The following LRP1 variants were observed in gnomAD, a reference collection of about 807,000 sequenced individuals.
LRP1 encodes prolow-density lipoprotein receptor-related protein 1.
In LRP1, 51 loss-of-function variants were observed where a neutral mutation model predicts 541.5. That is an observed-to-expected ratio of 0.09 (90% CI 0.08 to 0.12). LRP1 has a LOEUF of 0.12. Ranked by LOEUF, LRP1 falls within the 10% of genes least tolerant of loss-of-function variation. The pLI is 1.00. For missense variants in LRP1, 3,878 were observed against 6,376.2 expected (o/e 0.61, Z 13.34); for synonymous variants, 2,219 against 2,470.8 (o/e 0.90, Z 3.02).
rs143144259 is a variant in LRP1, at chr12:57,195,324, G to A, written c.8362G>A (p.Val2788Ile). The A allele has an allele frequency of 1.3e-4, 211 of 1,613,214 alleles. No individual in the cohort carries two copies. Among genetic ancestry groups the A allele is most frequent in the Admixed American group, 2.2e-4 (13 of 60,006 alleles). The change falls in exon 52 of 89, where the codon GTC becomes ATC. Residue 2788 changes from valine to isoleucine, a missense_variant. This residue lies in a region of LRP1 where 1,100 missense variants were observed against 1,827.4 expected (regional missense o/e 0.60). Transcript: ENST00000243077. ...CTCCTGCCCTGGCACCCACGTGTGC[G>A]TCCCCGAGCGCTGGCTCTGTGACGG... The part of the protein sequence containing the change: ...SFSCPGTHVC[V>I]PERWLCDGDK...
At chr12:57,187,523 G>C in intron 42 of LRP1, 67 bp downstream of exon 42, 1 of 1,512,206 alleles carries the variant, frequency 6.6e-7, no homozygotes, top group Non-Finnish European at 9.0e-7. Flanking sequence ...AAACTCCCCA[G>C]GCAGATCCAA....
intron 50 of LRP1, 81 bp downstream of exon 50, chr12:57,194,780 T>G: frequency 6.7e-7 from 1 of 1,487,208 alleles, no homozygotes; most frequent in Non-Finnish European, 9.0e-7. Flanking sequence ...AATGCCCCCT[T>G]GGAAAAGGGC....
chr12:57,163,494 A>G (rs747454839), intron 15 of LRP1, among the ~76,000 whole-genome samples: 19 of 151,418 alleles, frequency 1.3e-4, no homozygotes, highest in Non-Finnish European at 2.4e-4. Context: ...CAGGAGAATC[A>G]CTTGAAGCCC....
At chr12:57,199,120 A>T in intron 60 of LRP1, 92 bp from the exon 61 acceptor site, 3 of 1,167,702 alleles carry the variant, frequency 2.6e-6, no homozygotes. Context: ...CCCACCTCTC[A>T]GGGTGGTGGT....
intron 2 of LRP1, among the ~76,000 whole-genome samples, chr12:57,139,527 G>A (rs528368092): frequency 2.0e-5 from 3 of 152,242 alleles, no homozygotes; most frequent in Admixed American, 1.3e-4. Context: ...ATGCTTGGGC[G>A]TTAGAAGTAA....
In LRP1 at chr12:57,138,598, G is replaced by A. The variant is rs775638591; in HGVS notation, c.190+17G>A. On this transcript the variant is annotated intron_variant, in intron 2 of 88. Transcript: ENST00000243077. Reference sequence around the variant, plus strand: ...CTGAGATTTGTAAGTACCTTTTCTGGATTCTTCTCCCCAAACCCTTAACTT... The same window carrying A: ...CTGAGATTTGTAAGTACCTTTTCTGAATTCTTCTCCCCAAACCCTTAACTT... 1 of 1,613,406 alleles carries A rather than the reference G, an allele frequency of 6.2e-7. No homozygotes were observed. Among genetic ancestry groups the A allele is most frequent in the Non-Finnish European group, 8.5e-7 (1 of 1,179,568 alleles).
chr12:57,153,525 A>G (rs1053315041), intron 6 of LRP1, among the ~76,000 whole-genome samples: 3 of 151,978 alleles, frequency 2.0e-5, no homozygotes, highest in South Asian at 2.1e-4. Context: ...CTCCAGCCCT[A>G]TGACTTATTC....
Position 57,205,715 on chromosome 12 carries a change from GC to G in LRP1, c.11590+39del. The G allele has an allele frequency of 6.2e-7, 1 of 1,600,992 alleles. No individual in the cohort carries two copies. The highest frequency in any genetic ancestry group is 8.5e-7 in the Non-Finnish European group (1 of 1,178,072). The stretch of plus-strand genomic sequence containing the variant: ...CCAGAGGGCAGAAAGGCTGGGTGGG[GC>G]AGGGCGACCAGGATATCAAACGGGG... On this transcript the variant is annotated intron_variant, in intron 75 of 88. Transcript: ENST00000243077. The surrounding 1 kb of genome is among the most constrained non-coding windows in gnomAD (Gnocchi z 4.6).
At chr12:57,193,742 C>T in intron 47 of LRP1, 57 bp downstream of exon 47, 1 of 1,613,606 alleles carries the variant, frequency 6.2e-7, no homozygotes, top group South Asian at 1.1e-5. Flanking sequence ...CCCACCCCTC[C>T]CTGGCCAAGC....
chr12:57,132,709 C>T (rs780423351), intron 1 of LRP1, among the ~76,000 whole-genome samples: 1 of 152,134 alleles, frequency 6.6e-6, no homozygotes, highest in African/African-American at 2.4e-5. Flanking sequence ...CTCTTACTGC[C>T]GAACCTTTGT....
In LRP1 at chr12:57,154,827, C is replaced by T. The variant is rs981693790; in HGVS notation, c.1227+126C>T. The stretch of plus-strand genomic sequence containing the variant: ...GGTAAAGAGCGTGGATGCCCCAGGC[C>T]TCTAGTGGGAGTGGGGTGGGCTTGA... On this transcript the variant is annotated intron_variant, in intron 8 of 88. Coordinates refer to ENST00000243077, the MANE Select transcript of LRP1 (RefSeq NM_002332.3). This position sits in a 1 kb window ranked among gnomAD's most constrained non-coding sequence, Gnocchi z 4.6. 1.5e-5 allele frequency: 13 copies of T among 855,514 alleles called. No individual in the cohort carries two copies. In the African/African-American group the frequency reaches 2.0e-4, roughly 13 times the overall value. 53.0% of individuals were successfully genotyped at this position (855,514 alleles called of 1,614,324 possible).
rs978789309 is a variant in LRP1, at chr12:57,184,710, G to C, written c.6187-129G>C. ...GGGCAGTGGGCAGGAGTGTATGCAG[G>C]AGGCAGGAGTGAGTTAGGGGAGGCT... On this transcript the variant is annotated intron_variant, in intron 38 of 88. Coordinates refer to ENST00000243077, the MANE Select transcript of LRP1 (RefSeq NM_002332.3). The surrounding 1 kb of genome is among the most constrained non-coding windows in gnomAD (Gnocchi z 7.8). 61 of 1,062,126 alleles carry C rather than the reference G, an allele frequency of 5.7e-5. No homozygotes were observed. Among genetic ancestry groups the C allele is most frequent in the Non-Finnish European group, 8.0e-5 (59 of 738,558 alleles). The allele number at this position is 1,062,126 out of a possible 1,614,324, so 65.8% of individuals were successfully genotyped here.
Position 57,179,302 on chromosome 12 carries a change from C to CT in LRP1, c.4739-25dup. 6.5e-7 allele frequency: 1 copy of CT among 1,544,596 alleles called. No individual in the cohort carries two copies. The highest frequency in any genetic ancestry group is 8.9e-7 in the Non-Finnish European group (1 of 1,118,926). On this transcript the variant is annotated intron_variant, in intron 28 of 88. Transcript: ENST00000243077. The surrounding 1 kb of genome is among the most constrained non-coding windows in gnomAD (Gnocchi z 6.8). ...TGGGAAGCACAGAGGCAGGGACTGC[C>CT]TTCAGTGACCAGCCCATGCCCCACA...
rs773527918 is a variant in LRP1 at position 57,206,614 on chromosome 12, C to A, written c.11732C>A (p.Ala3911Asp). The A allele has an allele frequency of 6.2e-7, 1 of 1,614,046 alleles. No homozygotes were observed. The highest frequency in any genetic ancestry group is 1.3e-5 in the African/African-American group (1 of 74,940). ...GATGCTATGGATGTCCATGTCAAGG[C>A]TGGCCGTGTCTATTGGACCAACTGG... ...RIDAMDVHVK[A>D]GRVYWTNWHT... The change falls in exon 76 of 89, where the codon GCT becomes GAT. Residue 3911 changes from alanine (A) to aspartate (D), a missense_variant. Ala to Asp is a moderately radical substitution (Grantham distance 126). Around this residue, in one of 13 missense-constraint regions of LRP1, gnomAD observed 871 missense variants for 1,212.4 expected, o/e 0.72. Transcript: ENST00000243077. The surrounding 1 kb of genome is among the most constrained non-coding windows in gnomAD (Gnocchi z 4.7).
rs758481263 is a variant in LRP1 at position 57,162,471 on chromosome 12, G to A, written c.2357G>A (p.Arg786Gln). 25 of 1,613,938 alleles carry A rather than the reference G, an allele frequency of 1.5e-5. No homozygotes were observed. Among genetic ancestry groups the A allele is most frequent in the South Asian group, 2.2e-5 (2 of 91,082 alleles). ...PPTVTLLRSE[R>Q]PPIFEIRMYD... ...ACTGTGACCCTTCTGCGCAGTGAGC[G>A]GCCCCCCATCTTTGAGATCCGAATG... Residue 786 changes from arginine to glutamine, a missense_variant, in exon 14 of 89, where the codon CGG (arginine) becomes CAG (glutamine). Physicochemically the swap from Arg to Gln is conservative, Grantham distance 43. Transcript: ENST00000243077. This position sits in a 1 kb window ranked among gnomAD's most constrained non-coding sequence, Gnocchi z 5.2.
chr12:57,203,750 C>A, intron 70 of LRP1: 1 of 543,006 alleles, frequency 1.8e-6, no homozygotes, highest in Non-Finnish European at 3.1e-6. Context: ...CAGCTCAATG[C>A]CCCCTAGTCT....
intron 6 of LRP1, among the ~76,000 whole-genome samples, chr12:57,152,847 G>A (rs1174798757): frequency 6.6e-6 from 1 of 152,220 alleles, no homozygotes; most frequent in Non-Finnish European, 1.5e-5. Flanking sequence ...CTCTGAGTCA[G>A]TGTCAGGGCC....
In LRP1 at chr12:57,156,083, G is replaced by A; in HGVS notation, c.1228-11G>A. 6.2e-7 allele frequency: 1 copy of A among 1,611,740 alleles called. No homozygotes were observed. Among genetic ancestry groups the A allele is most frequent in the Non-Finnish European group, 8.5e-7 (1 of 1,178,448 alleles). On this transcript the variant is annotated splice_polypyrimidine_tract_variant and intron_variant, in intron 8 of 88. Coordinates refer to ENST00000243077, the MANE Select transcript of LRP1 (RefSeq NM_002332.3). The surrounding 1 kb of genome is among the most constrained non-coding windows in gnomAD (Gnocchi z 5.2). Reference sequence around the variant, plus strand: ...CATCTCATGCTGTCCATTCTTGCCTGCCCGTCTCAGATTGAGCACCTGTAC... The same window carrying A: ...CATCTCATGCTGTCCATTCTTGCCTACCCGTCTCAGATTGAGCACCTGTAC...
intron 8 of LRP1, 106 bp from the exon 9 acceptor site, chr12:57,155,988 T>C: frequency 2.4e-6 from 2 of 823,594 alleles, no homozygotes; most frequent in South Asian, 1.7e-5. Context: ...ACAGGATGAA[T>C]TGGGGAATGC....
Sources: gnomAD v4.1 joint callset for allele counts (sites outside exome capture counted in the v4.1 genomes callset) on GRCh38, gnomAD v4.1.1 for gene constraint, gnomAD v4.1.1 regional missense constraint, Gnocchi (gnomAD v3.1) non-coding constraint, MANE v1.5 for transcripts, NCBI Gene and HGNC (gene_info 2026-07-23, HGNC 2026-07-21) for gene names.